The following ARID2 variants were observed in gnomAD, a reference collection of about 807,000 sequenced individuals.
ARID2 encodes the protein AT-rich interactive domain-containing protein 2.
Under a neutral mutation model 184.6 loss-of-function variants are expected in ARID2, and 32 were observed. That is an observed-to-expected ratio of 0.17 (90% CI 0.13 to 0.23). ARID2 has a LOEUF of 0.23. ARID2 is among the 10% of genes least tolerant of loss of function. ARID2 has a pLI of 1.00. For missense variants in ARID2, 1,696 were observed against 2,197.6 expected (o/e 0.77, Z 4.56); for synonymous variants, 836 against 772.6 (o/e 1.08, Z -1.36).
At chr12:45,768,768 A>G (rs901382117) in intron 3 of ARID2, among the ~76,000 whole-genome samples, 3 of 152,312 alleles carry the variant, frequency 2.0e-5, no homozygotes, top group Non-Finnish European at 2.9e-5. Flanking sequence ...CCCCGAAACT[A>G]TTCCTTTAAA....
Position 45,846,954 on chromosome 12 carries a change from T to C in ARID2, c.1580+17T>C. 6.2e-7 allele frequency: 1 copy of C among 1,608,082 alleles called. No individual in the cohort carries two copies. Among genetic ancestry groups the C allele is most frequent in the Non-Finnish European group, 8.5e-7 (1 of 1,175,190 alleles). ...TTGTCAGTGGTAAGTGGTTTATTTC[T>C]ATTAAGGATTTATCCTTGGGAGGAG... is the stretch of plus-strand genomic sequence containing the variant. On this transcript the variant is annotated intron_variant, in intron 12 of 20. Transcript: ENST00000334344.
intron 6 of ARID2, among the ~76,000 whole-genome samples, chr12:45,830,304 A>G (rs959917774): frequency 2.6e-5 from 4 of 152,166 alleles, no homozygotes; most frequent in African/African-American, 9.7e-5. Context: ...ATTGCCAATC[A>G]TCTACAGAGA....
intron 3 of ARID2, among the ~76,000 whole-genome samples, chr12:45,794,375 G>A (rs1942349504): frequency 6.6e-6 from 1 of 152,186 alleles, no homozygotes; most frequent in Admixed American, 6.5e-5. Flanking sequence ...TGGAAAATAT[G>A]AAGAAAACAT....
At chr12:45,866,985 T>C (rs1370144589) in intron 16 of ARID2, among the ~76,000 whole-genome samples, 1 of 151,960 alleles carries the variant, frequency 6.6e-6, no homozygotes, top group African/African-American at 2.4e-5. Flanking sequence ...GAGTCTTACT[T>C]CATCACCCAG....
At chr12:45,797,699 AGT>A (rs1184510871) in intron 3 of ARID2, among the ~76,000 whole-genome samples, 3 of 152,048 alleles carry the variant, frequency 2.0e-5, no homozygotes, top group Non-Finnish European at 4.4e-5. Context: ...GAATTTGCTT[AGT>A]ATGGCATGAG....
At chr12:45,860,770 T>G (rs771730598) in intron 15 of ARID2, 31 bp from the exon 16 acceptor site, 1 of 1,457,136 alleles carries the variant, frequency 6.9e-7, no homozygotes, top group Admixed American at 2.3e-5. Context: ...CAGTGTCATG[T>G]CACAAACTCT....
chr12:45,761,761 T>A (rs1190984656), intron 3 of ARID2, among the ~76,000 whole-genome samples: 2 of 152,136 alleles, frequency 1.3e-5, no homozygotes, highest in African/African-American at 4.8e-5. Flanking sequence ...TGAGATTTCA[T>A]ATTGTGAATT....
intron 3 of ARID2, among the ~76,000 whole-genome samples, chr12:45,792,216 GT>G (rs1455196858): frequency 6.6e-6 from 1 of 152,004 alleles, no homozygotes; most frequent in Non-Finnish European, 1.5e-5. Flanking sequence ...CTTTTAGCTT[GT>G]TCCCACAAGT....
At chr12:45,737,025 T>C (rs1436318872) in intron 3 of ARID2, among the ~76,000 whole-genome samples, 1 of 152,238 alleles carries the variant, frequency 6.6e-6, no homozygotes, top group Non-Finnish European at 1.5e-5. Flanking sequence ...TATAATGTGA[T>C]AAAAGAAATA....
At position 45,803,084 on chromosome 12, in the gene ARID2, A is replaced by C. The variant is rs150915077; in HGVS notation, c.285-8334A>C. Among the ~76,000 whole-genome samples, 830 of 151,172 alleles carry C rather than the reference A, an allele frequency of 5.5e-3. 7 individuals carry two copies. Among genetic ancestry groups the C allele is most frequent in the African/African-American group, 0.019 (792 of 40,840 alleles). ...GTTTTTCTGAAAGTCTTTTTTTCTA[A>C]AAAAAAATTATTTGCTTATGAGAAC... On this transcript the variant is annotated intron_variant, in intron 3 of 20. Coordinates refer to ENST00000334344, the MANE Select transcript of ARID2 (RefSeq NM_152641.4).
intron 6 of ARID2, among the ~76,000 whole-genome samples, chr12:45,835,403 C>T (rs1592107301): frequency 6.6e-6 from 1 of 151,804 alleles, no homozygotes; most frequent in South Asian, 2.1e-4. Flanking sequence ...CATTGTTTGT[C>T]ATAGATTTTT....
At chr12:45,767,414 A>G (rs1422235545) in intron 3 of ARID2, among the ~76,000 whole-genome samples, 2 of 151,788 alleles carry the variant, frequency 1.3e-5, no homozygotes, top group African/African-American at 4.8e-5. Context: ...TTCAAGATTC[A>G]TGCTTTTAGT....
intron 3 of ARID2, among the ~76,000 whole-genome samples, chr12:45,801,832 G>A (rs1942508036): frequency 6.6e-6 from 1 of 152,036 alleles, no homozygotes; most frequent in Admixed American, 6.5e-5. Flanking sequence ...ATGAGAATAG[G>A]ATAAGGTAAA....
At chr12:45,868,570 C>T (rs1043445172) in intron 16 of ARID2, among the ~76,000 whole-genome samples, 2 of 152,186 alleles carry the variant, frequency 1.3e-5, no homozygotes, top group African/African-American at 4.8e-5. Context: ...AAGACCTTTT[C>T]AACTTTTATA....
intron 3 of ARID2, among the ~76,000 whole-genome samples, chr12:45,746,644 G>A (rs1034397335): frequency 3.3e-5 from 5 of 152,092 alleles, no homozygotes; most frequent in African/African-American, 1.2e-4. Flanking sequence ...GCACCAAGTG[G>A]TAACTCATTT....
At chr12:45,829,319 T>G (rs1273633415) in intron 6 of ARID2, among the ~76,000 whole-genome samples, 3 of 152,066 alleles carry the variant, frequency 2.0e-5, no homozygotes, top group Non-Finnish European at 4.4e-5. Flanking sequence ...TCAGTAAAAA[T>G]TTGTGTTTTC....
chr12:45,845,848 C>T (rs1183476174), intron 11 of ARID2: 1 of 151,972 alleles, frequency 6.6e-6, no homozygotes, highest in African/African-American at 2.4e-5. Context: ...ACTACATTGC[C>T]GTGTCACATA....
At chr12:45,812,914 T>G (rs1342143590) in intron 4 of ARID2, among the ~76,000 whole-genome samples, 1 of 152,214 alleles carries the variant, frequency 6.6e-6, no homozygotes, top group Non-Finnish European at 1.5e-5. Context: ...AACAAACACT[T>G]TTCTATGTTT....
intron 6 of ARID2, among the ~76,000 whole-genome samples, chr12:45,825,704 A>G (rs1364872484): frequency 6.6e-6 from 1 of 151,966 alleles, no homozygotes; most frequent in Non-Finnish European, 1.5e-5. Flanking sequence ...CTCTACAAAG[A>G]AAAAAAATAA....
Sources: gnomAD v4.1 joint callset for allele counts (sites outside exome capture counted in the v4.1 genomes callset) on GRCh38, gnomAD v4.1.1 for gene constraint, MANE v1.5 for transcripts, NCBI Gene and HGNC (gene_info 2026-07-23, HGNC 2026-07-21) for gene names.